PAPPA2: variants seen among roughly 807,000 people sequenced by gnomAD.
PAPPA2 encodes pappalysin-2.
A neutral mutation model predicts 176.4 loss-of-function variants in PAPPA2; 86 were observed. The observed-to-expected ratio is 0.49, with a 90% CI of 0.41 to 0.58. The LOEUF is 0.58. PAPPA2 is among the 20% of genes least tolerant of loss of function. The pLI is 0.00. For synonymous variants in PAPPA2, 809 were observed against 852.2 expected (o/e 0.95, Z 0.88); for missense variants, 2,073 against 2,256.9 (o/e 0.92, Z 1.65).
chr1:176,820,799 G>GAA (rs147040062), intron 21 of PAPPA2, among the ~76,000 whole-genome samples: 19 of 150,912 alleles, frequency 1.3e-4, no homozygotes, highest in Non-Finnish European at 2.8e-4. Flanking sequence ...CAAAGCTGGG[G>GAA]AAAAAAAAGT....
intron 1 of PAPPA2, among the ~76,000 whole-genome samples, chr1:176,513,719 T>C (rs936343360): frequency 6.6e-6 from 1 of 152,172 alleles, no homozygotes. Context: ...TTTCTTACAA[T>C]TATTCCCTGA....
At chr1:176,514,444 C>T (rs1339503518) in intron 1 of PAPPA2, among the ~76,000 whole-genome samples, 1 of 152,166 alleles carries the variant, frequency 6.6e-6, no homozygotes, top group Non-Finnish European at 1.5e-5. Flanking sequence ...CAAATTTCAA[C>T]GTGGATTTGG....
At position 176,765,768 on chromosome 1, in the gene PAPPA2, G is replaced by C. The variant is rs758702375; in HGVS notation, c.4254G>C (p.Lys1418Asn). The C allele has an allele frequency of 1.2e-6, 2 of 1,614,140 alleles. No homozygotes were observed. The highest frequency in any genetic ancestry group is 1.7e-6 in the Non-Finnish European group (2 of 1,180,032). Reference protein sequence around the residue: ...NCTSIGPGLMKCAITCQRGFA... With the variant: ...NCTSIGPGLMNCAITCQRGFA... ...CCTCTATAGGCCCAGGTCTCATGAAGTGTGCTATCACTTGTCAAAGGGGAT... is the reference window on the plus strand; with the variant it reads ...CCTCTATAGGCCCAGGTCTCATGAACTGTGCTATCACTTGTCAAAGGGGAT... The change falls in exon 15 of 23, where the codon AAG (lysine) becomes AAC (asparagine). Residue 1418 changes from lysine (K) to asparagine (N), a missense_variant. Lys to Asn is a moderately conservative substitution (Grantham distance 94). Coordinates refer to ENST00000367662, the MANE Select transcript of PAPPA2 (RefSeq NM_020318.3).
At chr1:176,580,283 A>C (rs1432194036) in intron 2 of PAPPA2, among the ~76,000 whole-genome samples, 2 of 152,216 alleles carry the variant, frequency 1.3e-5, no homozygotes, top group African/African-American at 4.8e-5. Context: ...TTCCTGGCTT[A>C]TTTCACTTAA....
intron 4 of PAPPA2, among the ~76,000 whole-genome samples, chr1:176,685,574 A>AAGT (rs749774011): frequency 1.3e-5 from 2 of 152,192 alleles, no homozygotes; most frequent in South Asian, 2.1e-4. Flanking sequence ...TGGTAATGAC[A>AAGT]AGTAGCATTT....
At chr1:176,776,830 T>G (rs1664478257) in intron 17 of PAPPA2, among the ~76,000 whole-genome samples, 1 of 150,654 alleles carries the variant, frequency 6.6e-6, no homozygotes, top group Admixed American at 6.6e-5. Flanking sequence ...AATAATAGTA[T>G]AGTAAAATAT....
intron 14 of PAPPA2, among the ~76,000 whole-genome samples, chr1:176,759,516 C>A (rs989104375): frequency 1.3e-5 from 2 of 152,052 alleles, no homozygotes; most frequent in Non-Finnish European, 2.9e-5. Flanking sequence ...TGATTCTGAC[C>A]GACTCTGAAG....
At chr1:176,654,015 C>T (rs900230870) in intron 3 of PAPPA2, among the ~76,000 whole-genome samples, 1 of 151,562 alleles carries the variant, frequency 6.6e-6, no homozygotes, top group Non-Finnish European at 1.5e-5. Flanking sequence ...GTTCACTCTG[C>T]CGATTATTTC....
intron 14 of PAPPA2, among the ~76,000 whole-genome samples, chr1:176,746,887 G>A (rs528324100): frequency 6.6e-6 from 1 of 152,264 alleles, no homozygotes; most frequent in Non-Finnish European, 1.5e-5. Context: ...TATATGTGTA[G>A]TGTGTGTGTT....
At chr1:176,598,741 A>C (rs960109870) in intron 3 of PAPPA2, among the ~76,000 whole-genome samples, 2 of 151,990 alleles carry the variant, frequency 1.3e-5, no homozygotes, top group African/African-American at 4.8e-5. Flanking sequence ...TGTTTTTTAC[A>C]CTCCTATAGA....
intron 3 of PAPPA2, among the ~76,000 whole-genome samples, chr1:176,619,801 A>C (rs1302530428): frequency 2.0e-5 from 3 of 152,218 alleles, no homozygotes; most frequent in Non-Finnish European, 4.4e-5. Flanking sequence ...TAACACATTC[A>C]TGATACTACA....
chr1:176,661,490 C>G (rs574731156), intron 3 of PAPPA2, among the ~76,000 whole-genome samples: 2 of 150,916 alleles, frequency 1.3e-5, no homozygotes, highest in Non-Finnish European at 2.9e-5. Context: ...CAGCAGCTGT[C>G]TGGAGATCAA....
intron 3 of PAPPA2, among the ~76,000 whole-genome samples, chr1:176,642,473 T>C (rs542701566): frequency 6.2e-4 from 94 of 151,946 alleles, no homozygotes; most frequent in Non-Finnish European, 9.4e-4. Flanking sequence ...TAGTTTGATG[T>C]TGTTGGAACA....
chr1:176,599,701 T>G (rs1444322763), intron 3 of PAPPA2, among the ~76,000 whole-genome samples: 1 of 151,860 alleles, frequency 6.6e-6, no homozygotes, highest in African/African-American at 2.4e-5. Flanking sequence ...GTGTGTTATA[T>G]CCGATGCATC....
intron 3 of PAPPA2, among the ~76,000 whole-genome samples, chr1:176,603,910 C>T (rs1033242281): frequency 6.6e-6 from 1 of 152,206 alleles, no homozygotes; most frequent in Non-Finnish European, 1.5e-5. Context: ...AATTCTCCAG[C>T]AGCTTACCAG....
intron 14 of PAPPA2, among the ~76,000 whole-genome samples, chr1:176,754,883 G>T (rs1663344790): frequency 6.6e-6 from 1 of 152,188 alleles, no homozygotes; most frequent in South Asian, 2.1e-4. Flanking sequence ...GTCTGGTTTT[G>T]TGTGCAACCA....
intron 3 of PAPPA2, among the ~76,000 whole-genome samples, chr1:176,636,423 A>T (rs999576949): frequency 1.3e-5 from 2 of 152,158 alleles, no homozygotes; most frequent in African/African-American, 4.8e-5. Flanking sequence ...CTCAGAGAGG[A>T]TGGCTATGTC....
chr1:176,718,971 T>C (rs1344887263), intron 12 of PAPPA2, among the ~76,000 whole-genome samples: 1 of 152,082 alleles, frequency 6.6e-6, no homozygotes, highest in African/African-American at 2.4e-5. Flanking sequence ...CAATATTGTG[T>C]GTACTGTTTC....
intron 12 of PAPPA2, among the ~76,000 whole-genome samples, chr1:176,729,330 T>G (rs1168125758): frequency 6.6e-6 from 1 of 152,106 alleles, no homozygotes; most frequent in East Asian, 1.9e-4. Context: ...CTCTTTTATA[T>G]TCCATTGGTC....
Sources: gnomAD v4.1 joint callset for allele counts (sites outside exome capture counted in the v4.1 genomes callset) on GRCh38, gnomAD v4.1.1 for gene constraint, MANE v1.5 for transcripts, NCBI Gene and HGNC (gene_info 2026-07-23, HGNC 2026-07-21) for gene names.